The following TOX variants were observed in gnomAD, a reference collection of about 807,000 sequenced individuals.
The protein encoded by TOX is thymocyte selection-associated high mobility group box protein TOX.
In TOX, 11 loss-of-function variants were observed where a neutral mutation model predicts 53.7. That is an observed-to-expected ratio of 0.20 (90% CI 0.13 to 0.34). The LOEUF (loss-of-function observed/expected upper bound fraction) is 0.34, where lower values mean the gene tolerates loss of function less well. Ranked by LOEUF, TOX falls within the 10% of genes least tolerant of loss-of-function variation. TOX has a pLI of 1.00. For missense variants in TOX, 570 were observed against 664.6 expected, an observed-to-expected ratio of 0.86 and a Z score of 1.56; for synonymous variants, 225 against 245.3, an observed-to-expected ratio of 0.92 and a Z score of 0.77.
At chr8:59,089,735 T>C (rs1045613352) in intron 1 of TOX, among the ~76,000 whole-genome samples, 1 of 152,208 alleles carries the variant, frequency 6.6e-6, no homozygotes, top group African/African-American at 2.4e-5. Context: ...ATCACAGGCA[T>C]GCATCTCCAT....
intron 1 of TOX, among the ~76,000 whole-genome samples, chr8:59,072,299 G>C (rs1563437328): frequency 6.6e-6 from 1 of 152,160 alleles, no homozygotes; most frequent in Non-Finnish European, 1.5e-5. Context: ...CTGCCACGGT[G>C]ACTAAAAAAA....
At chr8:58,872,686 T>C (rs1811218192) in intron 3 of TOX, among the ~76,000 whole-genome samples, 2 of 152,040 alleles carry the variant, frequency 1.3e-5, no homozygotes, top group Admixed American at 1.3e-4. Context: ...GAGGGACAAA[T>C]CTGATGGTCT....
rs1053528512 is a variant in TOX at position 58,897,628 on chromosome 8, T to C, written c.411+41674A>G. Among the ~76,000 whole-genome samples, 4 of 152,304 alleles carry C rather than the reference T, an allele frequency of 2.6e-5. No homozygotes were observed. In the South Asian group the frequency reaches 6.2e-4, roughly 24 times the overall value. On this transcript the variant is annotated intron_variant, in intron 3 of 8. Transcript: ENST00000361421. ...GGAATATTCATGAGGCTATAGTCAT[T>C]CCAAGACTAAAATGTTAGATTCTGC...
Position 59,092,302 on chromosome 8 carries a change from T to TTATATATA in TOX, c.102+26583_102+26584insTATATATA, listed in dbSNP as rs1491303174. Among the ~76,000 whole-genome samples, 7 of 104,612 alleles carry TTATATATA rather than the reference T, an allele frequency of 6.7e-5. No individual in the cohort carries two copies. In the South Asian group the frequency reaches 7.1e-4, roughly 11 times the overall value. The allele number at this position is 104,612 out of a possible 152,430, so 68.6% of individuals were successfully genotyped here. On this transcript the variant is annotated intron_variant, in intron 1 of 8. Coordinates refer to ENST00000361421, the MANE Select transcript of TOX (RefSeq NM_014729.3). The stretch of plus-strand genomic sequence containing the variant: ...ATATATTATATATACATTATATATA[T>TTATATATA]TATATATTATATATACATATATATA...
chr8:58,961,287 G>A lies in TOX; in HGVS notation c.103-1279C>T, dbSNP rs72651332. 9.0e-3 allele frequency among the ~76,000 whole-genome samples: 1,372 copies of A among 152,192 alleles called. 16 individuals carry two copies. Among genetic ancestry groups the A allele is most frequent in the South Asian group, 0.015 (71 of 4,812 alleles). On this transcript the variant is annotated intron_variant, in intron 1 of 8. Transcript: ENST00000361421. ...TCCCTAAAGACATGGAAGCACTCAC[G>A]AGACTAAGCTCAGAGAATCAAAGGA...
intron 5 of TOX, among the ~76,000 whole-genome samples, chr8:58,835,443 T>C (rs1186414324): frequency 4.6e-5 from 7 of 152,154 alleles, no homozygotes; most frequent in African/African-American, 1.7e-4. Context: ...GAGTAGTGAA[T>C]CTCATATTTT....
At chr8:58,885,465 C>T (rs1451064153) in intron 3 of TOX, among the ~76,000 whole-genome samples, 1 of 152,104 alleles carries the variant, frequency 6.6e-6, no homozygotes, top group African/African-American at 2.4e-5. Context: ...TCACCTTACT[C>T]TGGTCACATT....
intron 1 of TOX, among the ~76,000 whole-genome samples, chr8:59,000,022 G>A (rs1813658877): frequency 6.6e-6 from 1 of 151,982 alleles, no homozygotes; most frequent in Non-Finnish European, 1.5e-5. Context: ...TTAGGACACT[G>A]GATATTTAGT....
chr8:58,939,220 A>G (rs942374548), intron 3 of TOX, 82 bp downstream of exon 3: 17 of 1,535,094 alleles, frequency 1.1e-5, no homozygotes, highest in South Asian at 2.5e-5. Context: ...TATTATCACA[A>G]TGCCAGGCCC....
chr8:59,060,297 A>G (rs1384295427), intron 1 of TOX, among the ~76,000 whole-genome samples: 1 of 151,990 alleles, frequency 6.6e-6, no homozygotes, highest in African/African-American at 2.4e-5. Flanking sequence ...TCTTCCTTAT[A>G]CCCTTCTGGC....
At chr8:59,097,361 T>A (rs1804730667) in intron 1 of TOX, among the ~76,000 whole-genome samples, 1 of 152,052 alleles carries the variant, frequency 6.6e-6, no homozygotes, top group Non-Finnish European at 1.5e-5. Context: ...GGAGTGAGGT[T>A]TTCAGCAGCA....
chr8:58,812,299 G>C (rs1415868599), intron 7 of TOX, among the ~76,000 whole-genome samples: 4 of 152,110 alleles, frequency 2.6e-5, no homozygotes, highest in Non-Finnish European at 5.9e-5. Context: ...CCCTTCACCT[G>C]CAGGATCCCA....
chr8:58,832,446 G>T (rs1054524075), intron 5 of TOX, among the ~76,000 whole-genome samples: 4 of 151,956 alleles, frequency 2.6e-5, no homozygotes, highest in African/African-American at 4.8e-5. Flanking sequence ...GTTACAGTGC[G>T]ACAGGATTTT....
intron 1 of TOX, among the ~76,000 whole-genome samples, chr8:59,040,656 A>G (rs891021255): frequency 3.9e-5 from 6 of 152,230 alleles, no homozygotes; most frequent in African/African-American, 1.4e-4. Context: ...ACCCAATTAT[A>G]CAGCACTGCT....
chr8:59,071,851 T>G (rs1804202726), intron 1 of TOX, among the ~76,000 whole-genome samples: 1 of 152,172 alleles, frequency 6.6e-6, no homozygotes, highest in South Asian at 2.1e-4. Flanking sequence ...TCTGGATAAA[T>G]TAGATATTTA....
chr8:59,103,580 T>C (rs77061667), intron 1 of TOX, among the ~76,000 whole-genome samples: 1,742 of 152,340 alleles, frequency 0.011, 13 homozygotes, highest in Non-Finnish European at 0.016. Context: ...CTATGTAGAT[T>C]GCAGAGGCAG....
chr8:59,031,377 C>A (rs181610725), intron 1 of TOX, among the ~76,000 whole-genome samples: 9 of 152,324 alleles, frequency 5.9e-5, no homozygotes, highest in Admixed American at 5.9e-4. Context: ...GGGCATACAT[C>A]AACCATTTAT....
At chr8:58,838,393 T>TA in intron 4 of TOX, 82 bp from the exon 5 acceptor site, 2 of 1,086,086 alleles carry the variant, frequency 1.8e-6, no homozygotes, top group Non-Finnish European at 2.7e-6. Context: ...CTTTGAGACT[T>TA]AGACACATAC....
chr8:58,969,561 T>C (rs1281563463), intron 1 of TOX, among the ~76,000 whole-genome samples: 1 of 152,244 alleles, frequency 6.6e-6, no homozygotes, highest in African/African-American at 2.4e-5. Context: ...TCTAAATTTT[T>C]ATGAAGATTA....
Sources: gnomAD v4.1 joint callset for allele counts (sites outside exome capture counted in the v4.1 genomes callset) on GRCh38, gnomAD v4.1.1 for gene constraint, MANE v1.5 for transcripts, NCBI Gene and HGNC (gene_info 2026-07-23, HGNC 2026-07-21) for gene names.